LINGO2: variants seen among roughly 807,000 people sequenced by gnomAD.
The protein encoded by LINGO2 is leucine rich repeat and Ig domain containing 2.
LINGO2 carries 14 observed loss-of-function variants against 30.6 expected under a neutral mutation model. The observed-to-expected ratio is 0.46, with a 90% CI of 0.30 to 0.72. The LOEUF (loss-of-function observed/expected upper bound fraction) is 0.72, where lower values mean the gene tolerates loss of function less well. LINGO2 is among the 30% of genes least tolerant of loss of function. The pLI, the probability that LINGO2 is intolerant of heterozygous loss-of-function variation, is 0.07. For synonymous variants in LINGO2, 317 were observed against 288.5 expected, an observed-to-expected ratio of 1.10 and a Z score of -1.00; for missense variants, 729 against 751.7, an observed-to-expected ratio of 0.97 and a Z score of 0.35.
chr9:28,666,666 T>C (rs572925427), intron 1 of LINGO2, among the ~76,000 whole-genome samples: 2 of 152,164 alleles, frequency 1.3e-5, no homozygotes, highest in African/African-American at 4.8e-5. Context: ...TGAGCAGTAC[T>C]TTTATCCTTT....
chr9:28,435,297 C>T lies in LINGO2; in HGVS notation c.-279+40643G>A, dbSNP rs529784468. Among the ~76,000 whole-genome samples, 16 of 152,256 alleles carry T rather than the reference C, an allele frequency of 1.1e-4. No homozygotes were observed. In the South Asian group the frequency reaches 2.7e-3, roughly 26 times the overall value. ...TTTAACCATATTTCATAATTTAACA[C>T]TCTAGTACCTTTATAATGTTGTTAT... is the stretch of plus-strand genomic sequence containing the variant. On this transcript the variant is annotated intron_variant, in intron 2 of 5. Coordinates refer to ENST00000379992, the Ensembl canonical transcript of LINGO2.
intron 4 of LINGO2, among the ~76,000 whole-genome samples, chr9:28,149,837 C>T (rs1371859542): frequency 1.7e-4 from 25 of 151,266 alleles, no homozygotes; most frequent in South Asian, 8.3e-4. Context: ...GGCCGCCTCA[C>T]GGTATGGGAA....
the LINGO2 span, among the ~76,000 whole-genome samples, chr9:28,988,996 T>A: frequency 1.3e-5 from 2 of 152,202 alleles, no homozygotes; most frequent in Non-Finnish European, 2.9e-5. Flanking sequence ...TCTGTGTTCT[T>A]GCTGACATCA....
chr9:28,514,940 A>AG (rs953115405), intron 1 of LINGO2, among the ~76,000 whole-genome samples: 1 of 151,818 alleles, frequency 6.6e-6, no homozygotes, highest in Non-Finnish European at 1.5e-5. Flanking sequence ...CTATTTAAAA[A>AG]AAAAAAAGAA....
chr9:28,644,295 T>G (rs962075749), intron 1 of LINGO2, among the ~76,000 whole-genome samples: 1 of 152,038 alleles, frequency 6.6e-6, no homozygotes, highest in Non-Finnish European at 1.5e-5. Context: ...GCACCCTATG[T>G]CCATCAATGG....
chr9:28,527,604 T>C (rs1821083779), intron 1 of LINGO2, among the ~76,000 whole-genome samples: 1 of 152,156 alleles, frequency 6.6e-6, no homozygotes, highest in South Asian at 2.1e-4. Context: ...CCTTATAGCC[T>C]GAGGCAGACC....
chr9:28,754,017 A>AACACACACAC, the LINGO2 span, among the ~76,000 whole-genome samples: 321 of 146,116 alleles, frequency 2.2e-3, 4 homozygotes, highest in African/African-American at 7.6e-3. Flanking sequence ...CACACACACA[A>AACACACACAC]ACACACACAC....
chr9:28,380,128 C>T (rs1821288505), intron 2 of LINGO2, among the ~76,000 whole-genome samples: 1 of 151,998 alleles, frequency 6.6e-6, no homozygotes, highest in Non-Finnish European at 1.5e-5. Context: ...AACATGTTTA[C>T]AATCTATTTA....
At chr9:28,652,234 G>A (rs1242887923) in intron 1 of LINGO2, among the ~76,000 whole-genome samples, 5 of 152,022 alleles carry the variant, frequency 3.3e-5, no homozygotes, top group African/African-American at 7.2e-5. Flanking sequence ...AAGACATAGG[G>A]TTTAAAAATA....
At chr9:29,039,200 C>A in the LINGO2 span, among the ~76,000 whole-genome samples, 1 of 152,076 alleles carries the variant, frequency 6.6e-6, no homozygotes, top group Non-Finnish European at 1.5e-5. Flanking sequence ...AATTGAAACA[C>A]CCCAAATCCA....
At chr9:28,161,914 A>T (rs1012845849) in intron 4 of LINGO2, among the ~76,000 whole-genome samples, 6 of 152,058 alleles carry the variant, frequency 3.9e-5, no homozygotes, top group Non-Finnish European at 8.8e-5. Flanking sequence ...ACATTAACAA[A>T]TTTTCCAATG....
rs371541992 is a variant in LINGO2, at chr9:28,475,218, T to A, written c.-279+722A>T. Among the ~76,000 whole-genome samples the A allele has an allele frequency of 3.7e-4, 57 of 152,322 alleles. No homozygotes were observed. In the South Asian group the frequency reaches 0.01, roughly 27 times the overall value. On this transcript the variant is annotated intron_variant, in intron 2 of 5. Coordinates refer to ENST00000379992, the Ensembl canonical transcript of LINGO2. The stretch of plus-strand genomic sequence containing the variant: ...ATAAGCTATTTATACCTATAAGGCC[T>A]CATATAAATATACAGTCATCATATA...
At chr9:28,987,592 T>C in the LINGO2 span, among the ~76,000 whole-genome samples, 2 of 152,100 alleles carry the variant, frequency 1.3e-5, no homozygotes, top group African/African-American at 2.4e-5. Flanking sequence ...TTGGACTTAG[T>C]TTGTTCTTCT....
the LINGO2 span, among the ~76,000 whole-genome samples, chr9:28,880,117 T>C: frequency 6.6e-6 from 1 of 152,294 alleles, no homozygotes; most frequent in East Asian, 1.9e-4. Flanking sequence ...ATTCTTTTTT[T>C]CTCTCTTTTG....
chr9:27,960,614 C>CTTTTTT (rs540319420), intron 5 of LINGO2, among the ~76,000 whole-genome samples: 39 of 122,224 alleles, frequency 3.2e-4, no homozygotes, highest in East Asian at 7.5e-4. Flanking sequence ...TGTGGTATAT[C>CTTTTTT]TTTTTTTTTT....
chr9:28,453,560 A>C (rs940059405), intron 2 of LINGO2, among the ~76,000 whole-genome samples: 18 of 152,008 alleles, frequency 1.2e-4, no homozygotes, highest in African/African-American at 4.3e-4. Flanking sequence ...CTTTGTCCTT[A>C]GGGATATTTA....
chr9:29,145,447 T>G, the LINGO2 span, among the ~76,000 whole-genome samples: 1 of 152,150 alleles, frequency 6.6e-6, no homozygotes, highest in Non-Finnish European at 1.5e-5. Flanking sequence ...GGTGGCCATT[T>G]TCTAACACAT....
the LINGO2 span, among the ~76,000 whole-genome samples, chr9:28,986,724 A>G: frequency 1.3e-5 from 2 of 152,040 alleles, no homozygotes; most frequent in African/African-American, 2.4e-5. Flanking sequence ...CAAACATCAT[A>G]GCTTAGCCCA....
At chr9:28,048,890 G>A (rs894303398) in intron 4 of LINGO2, among the ~76,000 whole-genome samples, 1 of 150,610 alleles carries the variant, frequency 6.6e-6, no homozygotes, top group Admixed American at 6.7e-5. Flanking sequence ...AACATATATA[G>A]TTATGTTTAT....
Sources: allele counts gnomAD v4.1 joint callset (sites outside exome capture counted in the v4.1 genomes callset), GRCh38; gene constraint gnomAD v4.1.1; transcripts MANE v1.5; gene names NCBI Gene and HGNC (gene_info 2026-07-23, HGNC 2026-07-21).